The following ROCK1 variants were observed in gnomAD, a reference collection of about 807,000 sequenced individuals.
ROCK1 encodes rho-associated protein kinase 1.
In ROCK1, 36 loss-of-function variants were observed where a neutral mutation model predicts 196.8. The observed-to-expected ratio is 0.18, with a 90% confidence interval of 0.14 to 0.24. ROCK1 has a LOEUF of 0.24. ROCK1 is among the 10% of genes least tolerant of loss of function. The pLI is 1.00. For synonymous variants in ROCK1, 443 were observed against 515.9 expected (o/e 0.86, Z 1.91); for missense variants, 920 against 1,562.0 (o/e 0.59, Z 6.93).
intron 19 of ROCK1, among the ~76,000 whole-genome samples, chr18:20,985,111 A>C (rs1018528615): frequency 5.3e-5 from 8 of 151,978 alleles, no homozygotes; most frequent in Admixed American, 4.6e-4. Context: ...AAAAAAAAAA[A>C]GCCATTCCTG....
intron 16 of ROCK1, among the ~76,000 whole-genome samples, chr18:20,993,248 G>A (rs1032663721): frequency 3.9e-5 from 6 of 152,138 alleles, no homozygotes; most frequent in African/African-American, 1.2e-4. Context: ...CTGTTGCCCA[G>A]GCTGGAGTGC....
intron 16 of ROCK1, among the ~76,000 whole-genome samples, chr18:21,000,678 G>T (rs1274940361): frequency 6.6e-6 from 1 of 152,026 alleles, no homozygotes; most frequent in Non-Finnish European, 1.5e-5. Context: ...TAGTCATTAG[G>T]GACAATGAAA....
At position 20,992,900 on chromosome 18, in the gene ROCK1, G is replaced by T; in HGVS notation, c.1923C>A (p.Leu641=). 6.2e-7 allele frequency: 1 copy of T among 1,612,386 alleles called. No individual in the cohort carries two copies. Among genetic ancestry groups the T allele is most frequent in the Non-Finnish European group, 8.5e-7 (1 of 1,178,944 alleles). Reference sequence around the variant, plus strand: ...CTTCCACTTTTTCGAGATTATGTTTGAGATGCTTCACCTCCTCTTGTAAAG... The same window carrying T: ...CTTCCACTTTTTCGAGATTATGTTTTAGATGCTTCACCTCCTCTTGTAAAG... The part of the protein sequence containing the change: ...ITSLQEEVKH[L]KHNLEKVEGE... The change falls in exon 17 of 33, where the codon CTC becomes CTA. Residue 641 remains leucine, a synonymous_variant. Transcript: ENST00000399799.
At chr18:21,008,019 T>C (rs1483119693) in intron 14 of ROCK1, 40 bp downstream of exon 14, 2 of 1,499,856 alleles carry the variant, frequency 1.3e-6, no homozygotes, top group Non-Finnish European at 1.8e-6. Flanking sequence ...CATGACAGTG[T>C]TAGAAATTCT....
chr18:21,042,899 A>T (rs1340008038), intron 6 of ROCK1, among the ~76,000 whole-genome samples, 190 bp from the exon 7 acceptor site: 1 of 152,132 alleles, frequency 6.6e-6, no homozygotes, highest in African/African-American at 2.4e-5. Context: ...TATACACACC[A>T]TATACATATA....
chr18:21,028,980 CAAGTA>C (rs1197235288), intron 9 of ROCK1, 45 bp from the exon 10 acceptor site: 3 of 1,576,138 alleles, frequency 1.9e-6, no homozygotes, highest in Non-Finnish European at 1.7e-6. Context: ...ACTTAAAATA[CAAGTA>C]AAGTGAAGCA....
At chr18:20,957,576 G>A (rs1198413479) in intron 29 of ROCK1, among the ~76,000 whole-genome samples, 3 of 152,140 alleles carry the variant, frequency 2.0e-5, no homozygotes, top group Non-Finnish European at 4.4e-5. Flanking sequence ...AGCCTCCTGG[G>A]TTCAAGCGAT....
chr18:21,008,357 C>T (rs2035786384), intron 13 of ROCK1, among the ~76,000 whole-genome samples, 163 bp from the exon 14 acceptor site: 1 of 152,116 alleles, frequency 6.6e-6, no homozygotes, highest in African/African-American at 2.4e-5. Flanking sequence ...ATACAACTTT[C>T]TAAGTAGCTT....
intron 1 of ROCK1, among the ~76,000 whole-genome samples, chr18:21,091,340 C>G (rs1257189684): frequency 6.6e-6 from 1 of 152,270 alleles, no homozygotes. Context: ...AATGGTGGCT[C>G]ATGCCTGTAA....
At chr18:21,033,650 A>C (rs1053562025) in intron 9 of ROCK1, among the ~76,000 whole-genome samples, 1 of 151,950 alleles carries the variant, frequency 6.6e-6, no homozygotes, top group Non-Finnish European at 1.5e-5. Flanking sequence ...TTACAAGATC[A>C]GAAATAAAAG....
intron 1 of ROCK1, among the ~76,000 whole-genome samples, chr18:21,097,922 C>T (rs763340633): frequency 1.3e-5 from 2 of 152,206 alleles, no homozygotes; most frequent in Non-Finnish European, 2.9e-5. Flanking sequence ...AGAATTCATG[C>T]CTGACAAGGC....
At chr18:21,075,069 C>T (rs528498211) in intron 1 of ROCK1, among the ~76,000 whole-genome samples, 35 of 152,170 alleles carry the variant, frequency 2.3e-4, no homozygotes, top group South Asian at 8.3e-4. Context: ...GTATAACATA[C>T]CAGGAGAAGA....
At chr18:20,957,278 A>G (rs2035251760) in intron 29 of ROCK1, among the ~76,000 whole-genome samples, 1 of 152,254 alleles carries the variant, frequency 6.6e-6, no homozygotes, top group African/African-American at 2.4e-5. Flanking sequence ...AAATGGATAA[A>G]CAAATTCATG....
intron 26 of ROCK1, among the ~76,000 whole-genome samples, chr18:20,967,313 C>T (rs1198607365): frequency 6.6e-6 from 1 of 152,042 alleles, no homozygotes; most frequent in African/African-American, 2.4e-5. Context: ...TGTTTTCAAA[C>T]ATAAGCCATC....
intron 18 of ROCK1, among the ~76,000 whole-genome samples, chr18:20,990,079 C>G (rs1043912401): frequency 3.7e-4 from 56 of 151,690 alleles, no homozygotes; most frequent in African/African-American, 1.3e-3. Flanking sequence ...TCTTTCTCTA[C>G]CAAAAATAAA....
chr18:21,092,595 A>AAAC (rs1555756263), intron 1 of ROCK1, among the ~76,000 whole-genome samples: 1 of 151,674 alleles, frequency 6.6e-6, no homozygotes, highest in African/African-American at 2.4e-5. Context: ...AAAAAAAAAA[A>AAAC]AAAAAAAAAC....
intron 1 of ROCK1, among the ~76,000 whole-genome samples, chr18:21,109,875 T>C (rs2036734814): frequency 6.6e-6 from 1 of 152,206 alleles, no homozygotes; most frequent in South Asian, 2.1e-4. Context: ...TCTAACATTA[T>C]TTCACCGAAG....
At position 21,070,553 on chromosome 18, in the gene ROCK1, T is replaced by C; in HGVS notation, c.154A>G (p.Ile52Val). The change falls in exon 2 of 33, where the codon ATT becomes GTT. Residue 52 changes from isoleucine to valine, a missense_variant. Transcript: ENST00000399799. ...DFPALRKNKN[I>V]DNFLSRYKDT... ...TTACATCTGCTTAAAAAGTTGTCAA[T>C]ATTTTTGTTTTTTCTTAAGGCAGGA... The C allele has an allele frequency of 6.2e-7, 1 of 1,600,212 alleles. No individual in the cohort carries two copies. Among genetic ancestry groups the C allele is most frequent in the African/African-American group, 1.3e-5 (1 of 74,746 alleles).
chr18:21,009,890 T>C (rs574452516), intron 13 of ROCK1, among the ~76,000 whole-genome samples: 61 of 152,352 alleles, frequency 4.0e-4, no homozygotes, highest in African/African-American at 1.3e-3. Flanking sequence ...TTAACACTTA[T>C]ATAGGGCTAC....
Sources: gnomAD v4.1 joint callset for allele counts (sites outside exome capture counted in the v4.1 genomes callset) on GRCh38, gnomAD v4.1.1 for gene constraint, MANE v1.5 for transcripts, NCBI Gene and HGNC (gene_info 2026-07-23, HGNC 2026-07-21) for gene names.